The following EPM2A variants were observed in gnomAD, a reference collection of about 807,000 sequenced individuals.
The protein encoded by EPM2A is EPM2A glucan phosphatase, laforin.
A neutral mutation model predicts 26.5 loss-of-function variants in EPM2A; 21 were observed. The observed-to-expected ratio is 0.79, with a 90% CI of 0.56 to 1.14. The LOEUF is 1.14. Among genes scored for constraint, EPM2A ranks in the 50% most tolerant of loss-of-function variants. The pLI is 0.00. For missense variants in EPM2A, 458 were observed against 440.8 expected (o/e 1.04, Z -0.35); for synonymous variants, 217 against 177.6 (o/e 1.22, Z -1.76).
chr6:145,563,657 T>C (rs1780841084), intron 2 of EPM2A, among the ~76,000 whole-genome samples: 1 of 152,116 alleles, frequency 6.6e-6, no homozygotes, highest in Non-Finnish European at 1.5e-5. Context: ...AATGAATGTC[T>C]CTAACATTAT....
intron 2 of EPM2A, among the ~76,000 whole-genome samples, chr6:145,682,071 A>C (rs2128610611): frequency 6.6e-6 from 1 of 152,232 alleles, no homozygotes; most frequent in South Asian, 2.1e-4. Flanking sequence ...CATACCCAAG[A>C]CTGGGTAACG....
intron 2 of EPM2A, among the ~76,000 whole-genome samples, chr6:145,594,871 G>A (rs1000428735): frequency 2.0e-5 from 3 of 151,106 alleles, no homozygotes; most frequent in African/African-American, 7.3e-5. Flanking sequence ...TTTTTTAATG[G>A]TTTACATAGT....
At chr6:145,584,784 A>G (rs1469436957) in intron 2 of EPM2A, among the ~76,000 whole-genome samples, 3 of 152,042 alleles carry the variant, frequency 2.0e-5, no homozygotes, top group Non-Finnish European at 4.4e-5. Context: ...CTTCAGTCCA[A>G]TGTCTGCATC....
At chr6:145,522,509 A>G (rs1362879833) in intron 2 of EPM2A, among the ~76,000 whole-genome samples, 1 of 152,094 alleles carries the variant, frequency 6.6e-6, no homozygotes, top group African/African-American at 2.4e-5. Flanking sequence ...TAAAACAATT[A>G]ACAGTCTCCA....
chr6:145,710,241 A>G (rs1026583624), intron 1 of EPM2A, among the ~76,000 whole-genome samples: 1 of 152,216 alleles, frequency 6.6e-6, no homozygotes, highest in Non-Finnish European at 1.5e-5. Context: ...TAATATCCAG[A>G]ATCTACAAAG....
chr6:145,707,434 G>A (rs1782285316), intron 1 of EPM2A, among the ~76,000 whole-genome samples: 1 of 152,124 alleles, frequency 6.6e-6, no homozygotes, highest in Non-Finnish European at 1.5e-5. Flanking sequence ...ATATGGTTTG[G>A]CTGTGTCCTC....
rs764141574 is a variant in EPM2A, at chr6:145,686,131, T to G, written c.467A>C (p.His156Pro). Residue 156 changes from histidine to proline, a missense_variant, in exon 2 of 4, where the codon CAT becomes CCT. By Grantham distance (77) the His-to-Pro change is moderately conservative. Coordinates refer to ENST00000367519, the MANE Select transcript of EPM2A (RefSeq NM_005670.4). The stretch of plus-strand genomic sequence containing the variant: ...ATAGCACTATTTTTACCTTGAATAA[T>G]GCATGGCTTGGTGGCCTGCAATATT... ...YFNIAGHQAM[H>P]YSRILPNIWL... The G allele has an allele frequency of 6.2e-7, 1 of 1,613,700 alleles. No homozygotes were observed. Among genetic ancestry groups the G allele is most frequent in the South Asian group, 1.1e-5 (1 of 91,074 alleles).
At chr6:145,725,683 C>A (rs73566143) in intron 1 of EPM2A, among the ~76,000 whole-genome samples, 1,542 of 151,998 alleles carry the variant, frequency 0.01, 20 homozygotes, top group African/African-American at 0.035. Flanking sequence ...ACACACTGTA[C>A]GATTCTAATT....
chr6:145,633,104 C>T (rs1440903898), intron 3 of EPM2A, among the ~76,000 whole-genome samples: 1 of 152,210 alleles, frequency 6.6e-6, no homozygotes, highest in Non-Finnish European at 1.5e-5. Flanking sequence ...TGCAGAGTCC[C>T]AAACTATCAA....
chr6:145,698,690 G>C (rs1358221366), intron 1 of EPM2A, among the ~76,000 whole-genome samples: 1 of 151,756 alleles, frequency 6.6e-6, no homozygotes, highest in African/African-American at 2.4e-5. Flanking sequence ...ATATCCCATT[G>C]TTATGGACTG....
intron 4 of EPM2A, among the ~76,000 whole-genome samples, chr6:145,464,081 C>T (rs1021330939): frequency 1.3e-5 from 2 of 152,068 alleles, no homozygotes; most frequent in African/African-American, 4.8e-5. Flanking sequence ...CCATGTAAGA[C>T]ATGCCTGCTT....
chr6:145,648,504 G>A (rs1246795297), intron 2 of EPM2A, among the ~76,000 whole-genome samples: 6 of 152,090 alleles, frequency 3.9e-5, no homozygotes, highest in Non-Finnish European at 5.9e-5. Context: ...TTCATGCCAC[G>A]TAGTATTTTA....
intron 2 of EPM2A, among the ~76,000 whole-genome samples, chr6:145,567,148 CTT>C (rs1467033209): frequency 6.6e-6 from 1 of 152,164 alleles, no homozygotes; most frequent in Non-Finnish European, 1.5e-5. Context: ...TTCATGCAAA[CTT>C]TTCTTAAACA....
chr6:145,599,781 A>C (rs1009891775), intron 2 of EPM2A, among the ~76,000 whole-genome samples: 2 of 151,966 alleles, frequency 1.3e-5, no homozygotes, highest in African/African-American at 4.8e-5. Context: ...TGAGTGGGTA[A>C]ATTTCTTTTT....
intron 2 of EPM2A, among the ~76,000 whole-genome samples, chr6:145,614,675 T>A (rs1562403280): frequency 6.6e-6 from 1 of 152,168 alleles, no homozygotes; most frequent in African/African-American, 2.4e-5. Context: ...GATGAGGAAA[T>A]GGCAAGTCAG....
At chr6:145,513,071 A>G (rs1780078164) in intron 2 of EPM2A, among the ~76,000 whole-genome samples, 1 of 152,222 alleles carries the variant, frequency 6.6e-6, no homozygotes, top group South Asian at 2.1e-4. Flanking sequence ...AGATTTAATC[A>G]AACTAAAAAG....
chr6:145,690,439 A>G (rs1042728879), intron 1 of EPM2A, among the ~76,000 whole-genome samples: 1 of 148,188 alleles, frequency 6.7e-6, no homozygotes, highest in Non-Finnish European at 1.5e-5. Flanking sequence ...GAACCCGGGA[A>G]GCGGAGCTTG....
At chr6:145,576,181 A>C (rs1298450659) in intron 2 of EPM2A, among the ~76,000 whole-genome samples, 1 of 152,194 alleles carries the variant, frequency 6.6e-6, no homozygotes, top group Non-Finnish European at 1.5e-5. Context: ...CTGCCCAGGA[A>C]GATGGTCTCC....
intron 2 of EPM2A, among the ~76,000 whole-genome samples, chr6:145,679,818 G>GT (rs1186430030): frequency 6.6e-6 from 1 of 152,180 alleles, no homozygotes; most frequent in Non-Finnish European, 1.5e-5. Flanking sequence ...CTTGAGAGCT[G>GT]TAAGTTCTTC....
Sources: gnomAD v4.1 joint callset for allele counts (sites outside exome capture counted in the v4.1 genomes callset) on GRCh38, gnomAD v4.1.1 for gene constraint, MANE v1.5 for transcripts, NCBI Gene and HGNC (gene_info 2026-07-23, HGNC 2026-07-21) for gene names.